The following LDLRAD4 variants were observed in gnomAD, a reference collection of about 807,000 sequenced individuals.
LDLRAD4 encodes the protein low density lipoprotein receptor class A domain containing 4, also known as low-density lipoprotein receptor class A domain-containing protein 4.
In LDLRAD4, 5 loss-of-function variants were observed where a neutral mutation model predicts 17.0. The observed-to-expected ratio is 0.29, with a 90% confidence interval of 0.15 to 0.62. LDLRAD4 has a LOEUF of 0.62. LDLRAD4 is among the 20% of genes least tolerant of loss of function. The pLI is 0.84. For synonymous variants in LDLRAD4, 168 were observed against 171.8 expected (o/e 0.98, Z 0.17); for missense variants, 340 against 424.7 (o/e 0.80, Z 1.75).
intron 3 of LDLRAD4, chr18:13,461,414 TGAA>T (rs2146568689): frequency 6.6e-6 from 1 of 152,302 alleles, no homozygotes; most frequent in South Asian, 2.1e-4. Flanking sequence ...CAAACGTCAT[TGAA>T]GAAGGAGAGT....
chr18:13,595,760 A>T (rs183912853), intron 3 of LDLRAD4, among the ~76,000 whole-genome samples: 207 of 152,264 alleles, frequency 1.4e-3, no homozygotes, highest in African/African-American at 4.8e-3. Flanking sequence ...TATTTTAATC[A>T]TAGGGTATAT....
At chr18:13,225,397 T>C (rs1241407882) in intron 1 of LDLRAD4, among the ~76,000 whole-genome samples, 1 of 152,248 alleles carries the variant, frequency 6.6e-6, no homozygotes, top group Non-Finnish European at 1.5e-5. Flanking sequence ...CTGACCCCTA[T>C]GTAGATACTA....
chr18:13,363,015 CA>C (rs1414046361), intron 1 of LDLRAD4, among the ~76,000 whole-genome samples: 1 of 152,072 alleles, frequency 6.6e-6, no homozygotes, highest in Non-Finnish European at 1.5e-5. Context: ...CAACCGGCAG[CA>C]AAGGCTGGAG....
At chr18:13,447,385 C>T (rs988164275) in intron 3 of LDLRAD4, among the ~76,000 whole-genome samples, 6 of 150,776 alleles carry the variant, frequency 4.0e-5, no homozygotes, top group African/African-American at 1.5e-4. Context: ...GCCTTTGTTT[C>T]TCCAAGACGG....
intron 1 of LDLRAD4, among the ~76,000 whole-genome samples, chr18:13,226,001 T>C (rs1371724980): frequency 6.6e-6 from 1 of 152,052 alleles, no homozygotes; most frequent in Admixed American, 6.6e-5. Context: ...ACTTTTTTTT[T>C]AGAAATTTAT....
rs184925904 is a variant in LDLRAD4 at position 13,453,988 on chromosome 18, C to T, written c.181+15604C>T. Among the ~76,000 whole-genome samples the T allele has an allele frequency of 9.2e-5, 14 of 152,410 alleles. No homozygotes were observed. In the East Asian group the frequency reaches 2.5e-3, roughly 27 times the overall value. ...CACACTGCAGATGTTCATTCCGGCG[C>T]TGCCGCCGACTGCGGGGACAGAGCC... is the stretch of plus-strand genomic sequence containing the variant. On this transcript the variant is annotated intron_variant, in intron 3 of 5. Coordinates refer to ENST00000359446, the Ensembl canonical transcript of LDLRAD4.
At chr18:13,650,815 T>G (rs894581222) in exon 6 of LDLRAD4, 1 of 154,176 alleles carries the variant, frequency 6.5e-6, no homozygotes. Flanking sequence ...TGCAAATGGA[T>G]GCATACAGAT....
upstream of LDLRAD4, chr18:13,218,240 C>G (rs2041260001): frequency 6.6e-6 from 1 of 152,368 alleles, no homozygotes. Flanking sequence ...CGGCTGGGGC[C>G]GGAGGGAGAA....
At chr18:13,650,175 T>C (rs1376697797) in exon 6 of LDLRAD4, 1 of 399,152 alleles carries the variant, frequency 2.5e-6, no homozygotes, top group Non-Finnish European at 4.4e-6. Flanking sequence ...ATTTCAGCAT[T>C]CTTTATTACC....
intron 2 of LDLRAD4, chr18:13,427,369 C>G (rs2090019793): frequency 6.5e-6 from 1 of 152,712 alleles, no homozygotes; most frequent in Admixed American, 6.5e-5. Flanking sequence ...AAATAGCAAG[C>G]TGTGACCCAC....
chr18:13,486,782 T>G (rs1324905534), intron 3 of LDLRAD4: 1 of 152,228 alleles, frequency 6.6e-6, no homozygotes, highest in African/African-American at 2.4e-5. Flanking sequence ...GGTTGTGTAT[T>G]AATGCAAATT....
chr18:13,544,033 G>C (rs1472398699), intron 3 of LDLRAD4, among the ~76,000 whole-genome samples: 1 of 152,256 alleles, frequency 6.6e-6, no homozygotes, highest in African/African-American at 2.4e-5. Flanking sequence ...CATGCACACA[G>C]TGTGCACACA....
At chr18:13,347,744 CA>C (rs1286708206) in intron 1 of LDLRAD4, among the ~76,000 whole-genome samples, 1 of 152,148 alleles carries the variant, frequency 6.6e-6, no homozygotes, top group Admixed American at 6.6e-5. Flanking sequence ...CACATAGTCC[CA>C]TATTTCTTGG....
At chr18:13,371,121 C>T (rs2084472829) in intron 1 of LDLRAD4, among the ~76,000 whole-genome samples, 1 of 152,164 alleles carries the variant, frequency 6.6e-6, no homozygotes, top group South Asian at 2.1e-4. Flanking sequence ...TGCCGGTGGG[C>T]AATGCGCCCA....
At chr18:13,399,235 T>A (rs1378615373) in intron 2 of LDLRAD4, among the ~76,000 whole-genome samples, 1 of 152,122 alleles carries the variant, frequency 6.6e-6, no homozygotes, top group African/African-American at 2.4e-5. Context: ...AGACGCTGTA[T>A]GTATTTTGCC....
chr18:13,636,944 C>A (rs1020429314), intron 4 of LDLRAD4, among the ~76,000 whole-genome samples: 1 of 151,798 alleles, frequency 6.6e-6, no homozygotes, highest in Non-Finnish European at 1.5e-5. Context: ...ATTACAGGCA[C>A]CCACCACTAC....
chr18:13,391,896 A>G (rs1295780310), intron 2 of LDLRAD4, among the ~76,000 whole-genome samples: 1 of 152,198 alleles, frequency 6.6e-6, no homozygotes, highest in South Asian at 2.1e-4. Flanking sequence ...TAATATTTTC[A>G]TGTACATGTA....
At chr18:13,284,094 G>C (rs564294586) in intron 1 of LDLRAD4, among the ~76,000 whole-genome samples, 28 of 152,312 alleles carry the variant, frequency 1.8e-4, no homozygotes, top group Middle Eastern at 3.4e-3. Flanking sequence ...GATTTGGGTG[G>C]CAACACAGCC....
intron 3 of LDLRAD4, among the ~76,000 whole-genome samples, chr18:13,530,495 A>G (rs1486388198): frequency 6.6e-6 from 1 of 152,206 alleles, no homozygotes; most frequent in Non-Finnish European, 1.5e-5. Context: ...TTCTAGTAGG[A>G]GTCCAAAAAC....
Sources: gnomAD v4.1 joint callset for allele counts (sites outside exome capture counted in the v4.1 genomes callset) on GRCh38, gnomAD v4.1.1 for gene constraint, MANE v1.5 for transcripts, NCBI Gene and HGNC (gene_info 2026-07-23, HGNC 2026-07-21) for gene names.